DPP6: variants seen among roughly 807,000 people sequenced by gnomAD.
DPP6 encodes dipeptidyl peptidase like 6, also known as A-type potassium channel modulatory protein DPP6.
DPP6 carries 69 observed loss-of-function variants against 122.6 expected under a neutral mutation model. That is an observed-to-expected ratio of 0.56 (90% CI 0.46 to 0.69). The LOEUF (loss-of-function observed/expected upper bound fraction) is 0.69. Among genes scored for constraint, DPP6 ranks in the 30% least tolerant of loss-of-function variants. DPP6 has a pLI of 0.00. For synonymous variants in DPP6, 418 were observed against 433.1 expected (o/e 0.97, Z 0.43); for missense variants, 928 against 1,116.9 (o/e 0.83, Z 2.41).
At chr7:154,743,792 G>T (rs1217972593) in intron 8 of DPP6, among the ~76,000 whole-genome samples, 1 of 151,962 alleles carries the variant, frequency 6.6e-6, no homozygotes, top group African/African-American at 2.4e-5. Context: ...CAGGACCCCT[G>T]AGTTACCAAA....
chr7:154,209,576 G>A (rs1799630080), intron 1 of DPP6, among the ~76,000 whole-genome samples: 1 of 151,386 alleles, frequency 6.6e-6, no homozygotes, highest in Admixed American at 6.6e-5. Context: ...TTCTTCAGCT[G>A]CGACTGAAAA....
intron 5 of DPP6, among the ~76,000 whole-genome samples, chr7:154,594,125 A>G (rs1285021795): frequency 6.6e-6 from 1 of 152,164 alleles, no homozygotes; most frequent in Non-Finnish European, 1.5e-5. Context: ...CAGTCCGGTC[A>G]TTCTTATGGG....
chr7:154,206,663 A>T (rs1289008953), intron 1 of DPP6, among the ~76,000 whole-genome samples: 2 of 152,166 alleles, frequency 1.3e-5, no homozygotes, highest in African/African-American at 4.8e-5. Flanking sequence ...CTCTTTTCTC[A>T]TCAAGATATC....
intron 1 of DPP6, among the ~76,000 whole-genome samples, chr7:154,110,619 A>C (rs886675246): frequency 6.6e-6 from 1 of 152,166 alleles, no homozygotes; most frequent in African/African-American, 2.4e-5. Flanking sequence ...GAGAAAGGGG[A>C]TGGAGGCTTT....
rs574900584 is a variant in DPP6, at chr7:154,208,366, C to T, written c.243+155303C>T. ...ACTCTCCTTGCTGTTGCCAGCATTACACCACATACATTTCCACCAGTTATT... is the reference window on the plus strand; with the variant it reads ...ACTCTCCTTGCTGTTGCCAGCATTATACCACATACATTTCCACCAGTTATT... On this transcript the variant is annotated intron_variant, in intron 1 of 25. Coordinates refer to ENST00000377770, the MANE Select transcript of DPP6 (RefSeq NM_130797.4). Among the ~76,000 whole-genome samples the T allele has an allele frequency of 5.9e-5, 9 of 152,332 alleles. No individual in the cohort carries two copies. The South Asian group carries it at 1.0e-3, about 18-fold the overall frequency.
intron 9 of DPP6, among the ~76,000 whole-genome samples, 157 bp from the exon 10 acceptor site, chr7:154,772,688 T>C (rs1203112860): frequency 6.6e-6 from 1 of 152,212 alleles, no homozygotes; most frequent in East Asian, 1.9e-4. Flanking sequence ...ACCCTACACA[T>C]GAACCATTTG....
intron 7 of DPP6, among the ~76,000 whole-genome samples, chr7:154,678,359 C>T (rs977188693): frequency 6.6e-6 from 1 of 152,240 alleles, no homozygotes; most frequent in African/African-American, 2.4e-5. Context: ...GTAACACTCA[C>T]TGCAAAGGTC....
At chr7:154,574,329 GTGGTT>G (rs1831321624) in intron 5 of DPP6, among the ~76,000 whole-genome samples, 12 of 144,256 alleles carry the variant, frequency 8.3e-5, no homozygotes, top group Admixed American at 2.1e-4. Flanking sequence ...GTATGTGTGT[GTGGTT>G]TGTGTGTGGT....
intron 1 of DPP6, among the ~76,000 whole-genome samples, chr7:154,180,885 T>A (rs1798050330): frequency 6.6e-6 from 1 of 152,214 alleles, no homozygotes; most frequent in African/African-American, 2.4e-5. Flanking sequence ...CAAGTTCACA[T>A]TATTTTTATC....
chr7:154,675,212 C>T (rs79201546), intron 7 of DPP6, among the ~76,000 whole-genome samples: 398 of 151,276 alleles, frequency 2.6e-3, no homozygotes, highest in African/African-American at 9.2e-3. Flanking sequence ...TGTCCGGGGG[C>T]GGGGGGCTAG....
intron 3 of DPP6, among the ~76,000 whole-genome samples, chr7:154,495,965 C>T (rs979925769): frequency 6.6e-5 from 10 of 152,168 alleles, no homozygotes; most frequent in African/African-American, 2.4e-4. Context: ...GACCATTAAA[C>T]AAACACCTGC....
chr7:154,137,803 AAACC>A (rs1185382007), intron 1 of DPP6, among the ~76,000 whole-genome samples: 1 of 152,200 alleles, frequency 6.6e-6, no homozygotes, highest in African/African-American at 2.4e-5. Context: ...ACAGGGCACC[AAACC>A]AACATGCATC....
the DPP6 span, among the ~76,000 whole-genome samples, chr7:153,865,678 T>G: frequency 1.4e-4 from 21 of 152,252 alleles, no homozygotes; most frequent in East Asian, 2.5e-3. Context: ...TATATTTAAG[T>G]TTTAGGGTAC....
At chr7:154,046,412 G>A (rs1388400161) in intron 1 of DPP6, among the ~76,000 whole-genome samples, 3 of 152,220 alleles carry the variant, frequency 2.0e-5, no homozygotes, top group Admixed American at 2.0e-4. Context: ...GGGGCATGGG[G>A]TGGAGAGTAG....
At chr7:154,424,659 C>A (rs967087506) in intron 1 of DPP6, among the ~76,000 whole-genome samples, 3 of 152,210 alleles carry the variant, frequency 2.0e-5, no homozygotes, top group Non-Finnish European at 4.4e-5. Context: ...CTGCCCAGTT[C>A]ACGTAACGTA....
At chr7:154,567,856 G>A (rs1391112501) in intron 5 of DPP6, among the ~76,000 whole-genome samples, 1 of 152,092 alleles carries the variant, frequency 6.6e-6, no homozygotes, top group African/African-American at 2.4e-5. Flanking sequence ...CTGGGGTATT[G>A]GTTTGTATGA....
At chr7:154,139,822 CTT>C (rs1434329372) in intron 1 of DPP6, among the ~76,000 whole-genome samples, 1 of 152,232 alleles carries the variant, frequency 6.6e-6, no homozygotes, top group African/African-American at 2.4e-5. Context: ...TAAGAAGTCT[CTT>C]TTGCATTTCT....
chr7:154,645,933 C>G (rs887925152), intron 6 of DPP6, among the ~76,000 whole-genome samples: 2 of 141,542 alleles, frequency 1.4e-5, no homozygotes, highest in Admixed American at 7.9e-5. Flanking sequence ...GAGGCTGAGG[C>G]AGGAGAATGG....
the DPP6 span, among the ~76,000 whole-genome samples, chr7:153,764,796 A>G: frequency 2.0e-5 from 3 of 151,240 alleles, no homozygotes; most frequent in African/African-American, 7.3e-5. Context: ...CTGGCTTATG[A>G]GAAACACCCA....
Sources: allele counts gnomAD v4.1 joint callset (sites outside exome capture counted in the v4.1 genomes callset), GRCh38; gene constraint gnomAD v4.1.1; transcripts MANE v1.5; gene names NCBI Gene and HGNC (gene_info 2026-07-23, HGNC 2026-07-21).